CCSER1: variants seen among roughly 807,000 people sequenced by gnomAD.
CCSER1 encodes coiled-coil serine rich protein 1.
Under a neutral mutation model 82.0 loss-of-function variants are expected in CCSER1, and 41 were observed. That is an observed-to-expected ratio of 0.50 (90% CI 0.39 to 0.65). The LOEUF (loss-of-function observed/expected upper bound fraction) is 0.65. Among genes scored for constraint, CCSER1 ranks in the 30% least tolerant of loss-of-function variants. CCSER1 has a pLI of 0.00. For missense variants in CCSER1, 1,119 were observed against 1,064.2 expected, an observed-to-expected ratio of 1.05 and a Z score of -0.72; for synonymous variants, 414 against 383.9, an observed-to-expected ratio of 1.08 and a Z score of -0.92.
intron 5 of CCSER1, among the ~76,000 whole-genome samples, chr4:90,608,854 A>G (rs1218839735): frequency 1.3e-5 from 2 of 151,896 alleles, no homozygotes; most frequent in Admixed American, 6.6e-5. Context: ...TATGTAGTCT[A>G]TTGTTTAGAA....
intron 10 of CCSER1, among the ~76,000 whole-genome samples, chr4:91,161,882 C>G (rs35085099): frequency 0.36 from 54,676 of 151,990 alleles, 11,105 homozygotes; most frequent in Non-Finnish European, 0.46. Context: ...CATCTGCAAA[C>G]AGTGACAATT....
At chr4:90,598,180 C>T (rs77335544) in intron 5 of CCSER1, among the ~76,000 whole-genome samples, 2,669 of 152,078 alleles carry the variant, frequency 0.018, 29 homozygotes, top group Non-Finnish European at 0.022. Context: ...CTGAATCATA[C>T]GCTAGTTCTA....
chr4:90,413,258 T>A (rs1755175676), intron 4 of CCSER1, among the ~76,000 whole-genome samples: 1 of 152,112 alleles, frequency 6.6e-6, no homozygotes, highest in Admixed American at 6.5e-5. Context: ...ATGAAAGACC[T>A]CTACAAGGTA....
Position 90,782,681 on chromosome 4 carries a change from C to CTTTTTTTTTTTTTTTTTTTTTTTTT in CCSER1, c.2011-33078_2011-33077insTTTTTTTTTTTTTTTTTTTTTTTTT, listed in dbSNP as rs200701722. Among the ~76,000 whole-genome samples, 2 of 123,978 alleles carry CTTTTTTTTTTTTTTTTTTTTTTTTT rather than the reference C, an allele frequency of 1.6e-5. 1 individual carries two copies. The highest frequency in any genetic ancestry group is 3.5e-5 in the Non-Finnish European group (2 of 57,964). 81.3% of individuals were successfully genotyped at this position (123,978 alleles called of 152,430 possible). A position where few individuals can be genotyped will look rare whatever the true frequency, so the allele number is the denominator to read the frequency against. On this transcript the variant is annotated intron_variant, in intron 7 of 10. Transcript: ENST00000509176. ...GGACAGGGATTTCTTTCTTTTCTTT[C>CTTTTTTTTTTTTTTTTTTTTTTTTT]TTTCTTTTTTTTTTTTTTTTGAGAC...
chr4:91,595,488 C>T (rs1316639760), intron 10 of CCSER1, among the ~76,000 whole-genome samples: 2 of 152,016 alleles, frequency 1.3e-5, no homozygotes, highest in African/African-American at 4.8e-5. Flanking sequence ...AAAGTAGTTT[C>T]AAGGTCTGTT....
At chr4:90,341,678 TG>T (rs1741405605) in intron 3 of CCSER1, among the ~76,000 whole-genome samples, 3 of 27,868 alleles carry the variant, frequency 1.1e-4, no homozygotes, top group African/African-American at 1.0e-3. Context: ...CTTGTCAACC[TG>T]ACTATTAGGC....
At chr4:90,524,950 T>C (rs1198491546) in intron 5 of CCSER1, among the ~76,000 whole-genome samples, 1 of 152,162 alleles carries the variant, frequency 6.6e-6, no homozygotes, top group Non-Finnish European at 1.5e-5. Context: ...CAGTAAAAGA[T>C]ATATGAAACT....
intron 8 of CCSER1, among the ~76,000 whole-genome samples, chr4:90,844,531 C>T (rs1434011897): frequency 1.3e-5 from 2 of 152,106 alleles, no homozygotes; most frequent in Non-Finnish European, 2.9e-5. Context: ...ATTTCTTAGA[C>T]TAGAACATTC....
chr4:90,852,949 G>A (rs1764056187), intron 8 of CCSER1, among the ~76,000 whole-genome samples: 1 of 152,240 alleles, frequency 6.6e-6, no homozygotes, highest in South Asian at 2.1e-4. Flanking sequence ...CTAGTGATTT[G>A]AGAGAGACCC....
rs926807284 is a variant in CCSER1 at position 91,431,208 on chromosome 4, T to C, written c.2218-167364T>C. Among the ~76,000 whole-genome samples the C allele has an allele frequency of 2.6e-5, 4 of 152,004 alleles. No homozygotes were observed. In the East Asian group the frequency reaches 7.8e-4, roughly 29 times the overall value. The stretch of plus-strand genomic sequence containing the variant: ...CGGAGATGGCGCCAATGCACTCCAG[T>C]CTGGGCAACAGAGCGAGACTCCATC... On this transcript the variant is annotated intron_variant, in intron 10 of 10. Coordinates refer to ENST00000509176, the MANE Select transcript of CCSER1 (RefSeq NM_001145065.2).
intron 10 of CCSER1, among the ~76,000 whole-genome samples, chr4:91,466,485 G>T (rs984703221): frequency 2.6e-5 from 4 of 151,998 alleles, no homozygotes; most frequent in Non-Finnish European, 4.4e-5. Flanking sequence ...TTCAACATAG[G>T]GTTGGAAGTT....
In CCSER1 at chr4:90,254,692, G is replaced by A. The variant is rs139366237; in HGVS notation, c.-41-53552G>A. Among the ~76,000 whole-genome samples, 613 of 152,186 alleles carry A rather than the reference G, an allele frequency of 4.0e-3. 7 individuals carry two copies. The highest frequency in any genetic ancestry group is 0.014 in the African/African-American group (587 of 41,528). On this transcript the variant is annotated intron_variant, in intron 1 of 10. Coordinates refer to ENST00000509176, the MANE Select transcript of CCSER1 (RefSeq NM_001145065.2). ...CCCTGTGTTCTTGTCTGTACATGCC[G>A]ATAGTAGAGCTTCCATAAAGTTGAG...
intron 9 of CCSER1, among the ~76,000 whole-genome samples, chr4:91,037,259 T>TACAC (rs1741524521): frequency 4.3e-5 from 3 of 70,328 alleles, no homozygotes; most frequent in African/African-American, 9.6e-5. Context: ...CACACACACA[T>TACAC]ACATACACAC....
intron 10 of CCSER1, among the ~76,000 whole-genome samples, chr4:91,371,388 T>C (rs1172672124): frequency 1.3e-5 from 2 of 151,952 alleles, no homozygotes; most frequent in Non-Finnish European, 2.9e-5. Context: ...AATTATTAGC[T>C]CCCATAAATG....
intron 10 of CCSER1, among the ~76,000 whole-genome samples, chr4:91,119,361 A>G (rs943009717): frequency 3.9e-5 from 6 of 152,022 alleles, no homozygotes; most frequent in African/African-American, 1.4e-4. Context: ...AAAATTATAT[A>G]TATATAAAAT....
At chr4:91,211,648 G>C (rs1015659305) in intron 10 of CCSER1, among the ~76,000 whole-genome samples, 1 of 152,074 alleles carries the variant, frequency 6.6e-6, no homozygotes, top group Non-Finnish European at 1.5e-5. Flanking sequence ...TATGGTATTA[G>C]AAATGACTTT....
intron 5 of CCSER1, among the ~76,000 whole-genome samples, chr4:90,605,350 T>G (rs11722539): frequency 0.075 from 11,372 of 152,212 alleles, 531 homozygotes; most frequent in East Asian, 0.17. Flanking sequence ...AAAGTATGCA[T>G]GTGTTGTGAA....
chr4:90,810,148 G>A (rs768355885), intron 7 of CCSER1, among the ~76,000 whole-genome samples: 42 of 151,956 alleles, frequency 2.8e-4, no homozygotes, highest in Non-Finnish European at 4.7e-4. Flanking sequence ...TTCAAATAGA[G>A]ATGGTGTTTC....
chr4:91,484,573 A>T (rs1269509076), intron 10 of CCSER1, among the ~76,000 whole-genome samples: 1 of 152,220 alleles, frequency 6.6e-6, no homozygotes, highest in Non-Finnish European at 1.5e-5. Flanking sequence ...ATTGCCTAAA[A>T]GTTGTAGATA....
Sources: gnomAD v4.1 joint callset for allele counts (sites outside exome capture counted in the v4.1 genomes callset) on GRCh38, gnomAD v4.1.1 for gene constraint, MANE v1.5 for transcripts, NCBI Gene and HGNC (gene_info 2026-07-23, HGNC 2026-07-21) for gene names.